Variants in ERC1 observed in about 807,000 individuals in gnomAD.
ERC1 encodes the protein RAB6 interacting protein 2.
In ERC1, 56 loss-of-function variants were observed where a neutral mutation model predicts 132.0. The observed-to-expected ratio is 0.42, with a 90% CI of 0.34 to 0.53. ERC1 has a LOEUF of 0.53. Among genes scored for constraint, ERC1 ranks in the 20% least tolerant of loss-of-function variants. The pLI is 0.03. For missense variants in ERC1, 1,202 were observed against 1,349.9 expected (o/e 0.89, Z 1.72); for synonymous variants, 478 against 476.1 (o/e 1.00, Z -0.05).
intron 18 of ERC1, among the ~76,000 whole-genome samples, chr12:1,472,895 G>A (rs2093891573): frequency 6.6e-6 from 1 of 152,168 alleles, no homozygotes; most frequent in South Asian, 2.1e-4. Context: ...TCTATCATGA[G>A]GGAAAGAAAG....
Position 1,329,051 on chromosome 12 carries a change from T to C in ERC1, c.2780+39039T>C, listed in dbSNP as rs556783939. 2.7e-5 allele frequency among the ~76,000 whole-genome samples: 4 copies of C among 145,896 alleles called. No homozygotes were observed. The East Asian group carries it at 8.4e-4, about 31-fold the overall frequency. ...GCTCACGCCTGTAATCCCAGCACTT[T>C]GGGAGGCTGAGGCGGGCAGATCACT... On this transcript the variant is annotated intron_variant, in intron 15 of 18. Transcript: ENST00000360905.
At chr12:1,402,115 T>C (rs2091118328) in intron 16 of ERC1, among the ~76,000 whole-genome samples, 1 of 152,186 alleles carries the variant, frequency 6.6e-6, no homozygotes, top group Admixed American at 6.5e-5. Context: ...ATTGCAAATA[T>C]TGTAAAAAAG....
chr12:1,195,998 G>A (rs1956195588), intron 12 of ERC1, among the ~76,000 whole-genome samples: 1 of 150,470 alleles, frequency 6.6e-6, no homozygotes, highest in African/African-American at 2.4e-5. Context: ...TGACCAAATT[G>A]GGGTTTCTTT....
At chr12:1,356,569 A>G (rs1400318109) in intron 15 of ERC1, among the ~76,000 whole-genome samples, 3 of 152,180 alleles carry the variant, frequency 2.0e-5, no homozygotes, top group Non-Finnish European at 4.4e-5. Flanking sequence ...TAAGGAGAGA[A>G]CCTTCAAATT....
At chr12:1,402,861 GAATT>G (rs2091192818) in intron 16 of ERC1, among the ~76,000 whole-genome samples, 2 of 152,212 alleles carry the variant, frequency 1.3e-5, no homozygotes, top group South Asian at 2.1e-4. Flanking sequence ...TATTACTAAA[GAATT>G]AATTAGTCTG....
In ERC1 at chr12:1,413,053, A is replaced by G. The variant is rs2091929176; in HGVS notation, c.3024+4806A>G. Among the ~76,000 whole-genome samples the G allele has an allele frequency of 1.3e-5, 2 of 152,216 alleles. 1 individual carries two copies. The highest frequency in any genetic ancestry group is 2.9e-5 in the Non-Finnish European group (2 of 68,040). ...TGACAGTAAAAGAGGTAGTGAAGACATATTGATGGTGATAGCTGTCTTCCA... is the reference window on the plus strand; with the variant it reads ...TGACAGTAAAAGAGGTAGTGAAGACGTATTGATGGTGATAGCTGTCTTCCA... On this transcript the variant is annotated intron_variant, in intron 17 of 18. Transcript: ENST00000360905.
chr12:1,376,651 A>G (rs2087957349), intron 16 of ERC1, among the ~76,000 whole-genome samples: 1 of 152,256 alleles, frequency 6.6e-6, no homozygotes, highest in South Asian at 2.1e-4. Context: ...CGGTGGAGCT[A>G]GAATTAGAAC....
chr12:1,294,669 T>C (rs947413807), intron 15 of ERC1, among the ~76,000 whole-genome samples: 1 of 152,230 alleles, frequency 6.6e-6, no homozygotes, highest in African/African-American at 2.4e-5. Flanking sequence ...TTGTTAAATA[T>C]AAATGAATCA....
At chr12:1,342,179 T>C (rs544294562) in intron 15 of ERC1, among the ~76,000 whole-genome samples, 56 of 152,050 alleles carry the variant, frequency 3.7e-4, no homozygotes, top group African/African-American at 1.2e-3. Context: ...AAAAAGTTAA[T>C]GCGGGCCGGG....
chr12:1,093,875 GTTTATGTGTA>G (rs1173782362), intron 3 of ERC1, among the ~76,000 whole-genome samples: 1 of 135,194 alleles, frequency 7.4e-6, no homozygotes, highest in Non-Finnish European at 1.6e-5. Context: ...ATATATATAT[GTTTATGTGTA>G]TTTATTTATA....
rs1207050873 is a variant in ERC1, at chr12:1,263,043, C to T, written c.2497C>T (p.Arg833Cys). The T allele has an allele frequency of 4.3e-6, 7 of 1,613,774 alleles. No homozygotes were observed. The highest frequency in any genetic ancestry group is 3.3e-5 in the Admixed American group (2 of 59,994). Residue 833 changes from arginine to cysteine, a missense_variant, in exon 14 of 19, where the codon CGT becomes TGT. Physicochemically the swap from Arg to Cys is radical, Grantham distance 180. Coordinates refer to ENST00000360905, the MANE Select transcript of ERC1 (RefSeq NM_178040.4). ...TTCCATCATTTTCTAGGACAGTCTCCGTAAGAAGGATGACAGGATTGAAGA... is the reference window on the plus strand; with the variant it reads ...TTCCATCATTTTCTAGGACAGTCTCTGTAAGAAGGATGACAGGATTGAAGA... ...DSSQQLQDSL[R>C]KKDDRIEELE...
chr12:1,480,946 C>A, intron 18 of ERC1: 2 of 702,088 alleles, frequency 2.8e-6, no homozygotes, highest in Non-Finnish European at 5.2e-6. Context: ...TCTGGGCAGT[C>A]TGTTGCAAGC....
At chr12:1,452,570 A>G (rs2093448086) in intron 18 of ERC1, among the ~76,000 whole-genome samples, 1 of 151,906 alleles carries the variant, frequency 6.6e-6, no homozygotes, top group African/African-American at 2.4e-5. Context: ...ACCATTATGT[A>G]TTTGTTAGAT....
chr12:1,037,013 A>G (rs1436857693), intron 2 of ERC1, among the ~76,000 whole-genome samples: 1 of 152,222 alleles, frequency 6.6e-6, no homozygotes, highest in Middle Eastern at 3.2e-3. Context: ...TGAACTATGC[A>G]TTTATCAGGT....
At chr12:1,353,461 TCA>T (rs2085224284) in intron 15 of ERC1, among the ~76,000 whole-genome samples, 1 of 152,216 alleles carries the variant, frequency 6.6e-6, no homozygotes, top group African/African-American at 2.4e-5. Flanking sequence ...GACAGCTCTT[TCA>T]GTCTTAATAA....
At chr12:1,170,277 G>A (rs1032905502) in intron 8 of ERC1, among the ~76,000 whole-genome samples, 2 of 152,118 alleles carry the variant, frequency 1.3e-5, no homozygotes, top group Non-Finnish European at 2.9e-5. Context: ...AATTTGGCTA[G>A]CCTTTTATTG....
chr12:1,092,930 C>T (rs1447720890), intron 3 of ERC1, among the ~76,000 whole-genome samples: 2 of 152,172 alleles, frequency 1.3e-5, no homozygotes, highest in Non-Finnish European at 2.9e-5. Context: ...CACTGCACTC[C>T]AGCGTGCAGA....
chr12:1,375,379 C>T (rs2087761812), intron 16 of ERC1, among the ~76,000 whole-genome samples: 1 of 152,130 alleles, frequency 6.6e-6, no homozygotes, highest in South Asian at 2.1e-4. Flanking sequence ...GATCCAATCA[C>T]CTCCCACCAG....
chr12:1,091,824 G>A (rs1365061669), intron 3 of ERC1, among the ~76,000 whole-genome samples: 1 of 152,178 alleles, frequency 6.6e-6, no homozygotes, highest in African/African-American at 2.4e-5. Context: ...TTTAACTGCT[G>A]TAATCTAGAT....
Sources: allele counts gnomAD v4.1 joint callset (sites outside exome capture counted in the v4.1 genomes callset), GRCh38; gene constraint gnomAD v4.1.1; transcripts MANE v1.5; gene names NCBI Gene and HGNC (gene_info 2026-07-23, HGNC 2026-07-21).